The following DAB1 variants were observed in gnomAD, a reference collection of about 807,000 sequenced individuals.
The protein encoded by DAB1 is DAB adaptor protein 1.
DAB1 carries 15 observed loss-of-function variants against 64.6 expected under a neutral mutation model. That is an observed-to-expected ratio of 0.23 (90% CI 0.16 to 0.36). The LOEUF (loss-of-function observed/expected upper bound fraction) is 0.36. DAB1 is among the 10% of genes least tolerant of loss of function. The pLI, the probability that DAB1 is intolerant of heterozygous loss-of-function variation, is 1.00. For synonymous variants in DAB1, 235 were observed against 251.9 expected (o/e 0.93, Z 0.64); for missense variants, 596 against 706.7 (o/e 0.84, Z 1.78).
At chr1:58,473,723 C>G in intron 3 of DAB1, 1 of 425,942 alleles carries the variant, frequency 2.3e-6, no homozygotes, top group Non-Finnish European at 4.2e-6. Flanking sequence ...TGTTACTGCT[C>G]TTATTGTTAG....
chr1:58,192,997 T>G (rs981634280), intron 4 of DAB1, among the ~76,000 whole-genome samples: 2 of 152,214 alleles, frequency 1.3e-5, no homozygotes, highest in South Asian at 4.1e-4. Context: ...CCAATTAAAT[T>G]TCTTTTAAAA....
rs540098277 is a variant in DAB1 at position 57,010,400 on chromosome 1, A to G, written c.*15+280T>C. Reference sequence around the variant, plus strand: ...CACCCCTACCCCTACCTCCCAGGATATGTCAAAGGTCATGCATCCATGAGA... The same window carrying G: ...CACCCCTACCCCTACCTCCCAGGATGTGTCAAAGGTCATGCATCCATGAGA... On this transcript the variant is annotated intron_variant, in intron 14 of 14. Transcript: ENST00000371236. Among the ~76,000 whole-genome samples the G allele has an allele frequency of 2.8e-4, 42 of 152,274 alleles. 1 individual carries two copies. The South Asian group carries it at 6.6e-3, about 24-fold the overall frequency.
chr1:58,008,561 A>T (rs747138969), intron 5 of DAB1, among the ~76,000 whole-genome samples: 2 of 152,176 alleles, frequency 1.3e-5, no homozygotes, highest in Non-Finnish European at 2.9e-5. Context: ...ATGGATAAAG[A>T]TCAGGGAGCT....
At chr1:57,924,503 AG>A (rs1342765589) in intron 5 of DAB1, among the ~76,000 whole-genome samples, 2 of 152,162 alleles carry the variant, frequency 1.3e-5, no homozygotes, top group East Asian at 3.9e-4. Context: ...TTTGTTGCCC[AG>A]GCTGGAGTGC....
intron 4 of DAB1, among the ~76,000 whole-genome samples, chr1:58,340,296 C>T (rs996758577): frequency 1.3e-5 from 2 of 152,120 alleles, no homozygotes; most frequent in African/African-American, 2.4e-5. Flanking sequence ...CATCTGTCCC[C>T]GTTACTAGGA....
chr1:57,730,523 G>A (rs1310628268), intron 6 of DAB1, among the ~76,000 whole-genome samples: 1 of 148,258 alleles, frequency 6.7e-6, no homozygotes, highest in African/African-American at 2.5e-5. Flanking sequence ...CCAAACTTAA[G>A]GGGGCCTGAA....
At chr1:57,353,728 G>A (rs751597986) in intron 1 of DAB1, among the ~76,000 whole-genome samples, 1 of 152,126 alleles carries the variant, frequency 6.6e-6, no homozygotes, top group Non-Finnish European at 1.5e-5. Context: ...ACTTCTCCAC[G>A]TTGCTTTTGC....
At chr1:57,332,472 G>GT (rs375403108) in intron 1 of DAB1, among the ~76,000 whole-genome samples, 59 of 152,274 alleles carry the variant, frequency 3.9e-4, no homozygotes, top group African/African-American at 1.3e-3. Context: ...GCTTAGTTTA[G>GT]TTTCGGTAGA....
chr1:57,645,595 A>G (rs907903443), intron 7 of DAB1, among the ~76,000 whole-genome samples: 8 of 152,252 alleles, frequency 5.3e-5, no homozygotes, highest in Admixed American at 3.3e-4. Flanking sequence ...TGCTGACATT[A>G]TAAGTCAAGA....
chr1:58,516,703 C>T (rs193092847), intron 2 of DAB1, among the ~76,000 whole-genome samples: 3 of 152,232 alleles, frequency 2.0e-5, no homozygotes, highest in East Asian at 3.9e-4. Context: ...GAATTTTGCA[C>T]GTTGAAACCT....
At chr1:57,493,794 A>T (rs1644195940) in intron 7 of DAB1, among the ~76,000 whole-genome samples, 1 of 152,006 alleles carries the variant, frequency 6.6e-6, no homozygotes, top group South Asian at 2.1e-4. Context: ...ACACACATTG[A>T]CTGACATTGC....
rs60813506 is a variant in DAB1 at position 57,484,609 on chromosome 1, C to T, written n.625+164983G>A. 4.1e-3 allele frequency among the ~76,000 whole-genome samples: 631 copies of T among 152,204 alleles called. 2 individuals carry two copies. The highest frequency in any genetic ancestry group is 0.014 in the African/African-American group (601 of 41,538). On this transcript the variant is annotated intron_variant and non_coding_transcript_variant, in intron 7 of 20. Transcript: ENST00000485760. Reference sequence around the variant, plus strand: ...CCAAAGAGCTCTGTTTGGGACTTGTCGACTTCTGAATGGAGATGTGGAGGA... The same window carrying T: ...CCAAAGAGCTCTGTTTGGGACTTGTTGACTTCTGAATGGAGATGTGGAGGA...
chr1:57,525,574 G>A (rs190430998), intron 7 of DAB1, among the ~76,000 whole-genome samples: 5 of 152,226 alleles, frequency 3.3e-5, no homozygotes, highest in Admixed American at 3.3e-4. Context: ...AGGTAAAACT[G>A]ACTATTGACA....
intron 7 of DAB1, among the ~76,000 whole-genome samples, chr1:57,642,242 G>A (rs184211797): frequency 2.6e-5 from 4 of 152,278 alleles, no homozygotes; most frequent in Non-Finnish European, 4.4e-5. Context: ...AATATACCAT[G>A]TTAAGTGATT....
At chr1:58,503,555 G>A (rs573709574) in intron 3 of DAB1, among the ~76,000 whole-genome samples, 13 of 152,046 alleles carry the variant, frequency 8.6e-5, no homozygotes, top group Non-Finnish European at 1.8e-4. Context: ...CAATGTGATG[G>A]TATCAGGAGG....
At chr1:57,061,200 C>T (rs904187810) in intron 9 of DAB1, among the ~76,000 whole-genome samples, 191 of 138,654 alleles carry the variant, frequency 1.4e-3, no homozygotes, top group African/African-American at 3.9e-3. Flanking sequence ...AAAACTAACA[C>T]GCATAGGTTT....
chr1:57,980,932 T>G (rs976449712), intron 5 of DAB1, among the ~76,000 whole-genome samples: 1 of 149,990 alleles, frequency 6.7e-6, no homozygotes, highest in Non-Finnish European at 1.5e-5. Flanking sequence ...CACACACACA[T>G]AGATATAGAT....
rs1468082359 is a variant in DAB1, at chr1:58,533,815, T to C, written n.33-6480A>G. The C allele has an allele frequency of 6.4e-6, 4 of 628,104 alleles. No homozygotes were observed. The East Asian group carries it at 1.1e-4, about 18-fold the overall frequency. The allele number at this position is 628,104 out of a possible 1,614,324, so 38.9% of individuals were successfully genotyped here. A position where few individuals can be genotyped will look rare whatever the true frequency, so the allele number is the denominator to read the frequency against. ...ATTAGCCAATCACGTTTTTTTCAGG[T>C]AGCAGATTAAGGCAATTACCCAAAA... On this transcript the variant is annotated intron_variant and non_coding_transcript_variant, in intron 1 of 20. Transcript: ENST00000485760.
intron 4 of DAB1, among the ~76,000 whole-genome samples, chr1:58,236,207 G>A (rs1393155188): frequency 6.6e-6 from 1 of 151,500 alleles, no homozygotes; most frequent in East Asian, 1.9e-4. Flanking sequence ...GCAGAGAAAT[G>A]TTTTCTCCCT....
Sources: allele counts gnomAD v4.1 joint callset (sites outside exome capture counted in the v4.1 genomes callset), GRCh38; gene constraint gnomAD v4.1.1; transcripts MANE v1.5; gene names NCBI Gene and HGNC (gene_info 2026-07-23, HGNC 2026-07-21).